The following GNPTAB variants were observed in gnomAD, a reference collection of about 807,000 sequenced individuals.
GNPTAB encodes N-acetylglucosamine-1-phosphotransferase subunits alpha/beta.
GNPTAB carries 92 observed loss-of-function variants against 136.6 expected under a neutral mutation model. That is an observed-to-expected ratio of 0.67 (90% CI 0.57 to 0.80). The LOEUF is 0.80. Among genes scored for constraint, GNPTAB ranks in the 30% least tolerant of loss-of-function variants. The pLI is 0.00. For missense variants in GNPTAB, 1,343 were observed against 1,501.8 expected (o/e 0.89, Z 1.75); for synonymous variants, 512 against 535.1 (o/e 0.96, Z 0.60).
At chr12:101,761,396 G>A (rs746498341) in intron 14 of GNPTAB, 50 bp from the exon 15 acceptor site, 33 of 1,546,360 alleles carry the variant, frequency 2.1e-5, no homozygotes, top group Middle Eastern at 1.7e-4. Context: ...AGTATGTACC[G>A]TATCTAACAT....
At chr12:101,789,226 A>G (rs1868841174) in intron 3 of GNPTAB, among the ~76,000 whole-genome samples, 1 of 152,192 alleles carries the variant, frequency 6.6e-6, no homozygotes, top group Non-Finnish European at 1.5e-5. Flanking sequence ...CTCTGTCTTT[A>G]GGTCCCTTGA....
At chr12:101,819,811 A>G (rs1027844695) in intron 1 of GNPTAB, among the ~76,000 whole-genome samples, 1 of 152,234 alleles carries the variant, frequency 6.6e-6, no homozygotes, top group Non-Finnish European at 1.5e-5. Context: ...GAATATATAT[A>G]ATCTATTATA....
chr12:101,780,333 G>A (rs1953323229), intron 6 of GNPTAB, 47 bp from the exon 7 acceptor site: 4 of 1,599,234 alleles, frequency 2.5e-6, no homozygotes, highest in Non-Finnish European at 3.4e-6. Flanking sequence ...TCATGAGGCT[G>A]GTGAAAACCT....
At chr12:101,775,081 G>A (rs971588738) in intron 7 of GNPTAB, among the ~76,000 whole-genome samples, 4 of 152,140 alleles carry the variant, frequency 2.6e-5, no homozygotes, top group African/African-American at 9.7e-5. Flanking sequence ...CAAGGATAGC[G>A]GCAACAGGTC....
rs1451696033 is a variant in GNPTAB, at chr12:101,753,539, C to G, written c.3435G>C (p.Arg1145Ser). 1 of 1,613,058 alleles carries G rather than the reference C, an allele frequency of 6.2e-7. No individual in the cohort carries two copies. The highest frequency in any genetic ancestry group is 2.2e-5 in the East Asian group (1 of 44,852). The change falls in exon 19 of 21, where the codon AGG (arginine) becomes AGC (serine). Residue 1145 changes from arginine to serine, a missense_variant and splice_region_variant. By Grantham distance (110) the Arg-to-Ser change is moderately radical. Coordinates refer to ENST00000299314, the MANE Select transcript of GNPTAB (RefSeq NM_024312.5). ...TGTTGTCATTCAGGCAAACAAACTT[C>G]CTGAAATAACAGAGAGCCAGGGTTA... ...GQLDDIRKNPRKFVCLNDNID... is the reference protein window; with the variant it reads ...GQLDDIRKNPSKFVCLNDNID...
At chr12:101,760,182 G>C (rs377531309) in intron 15 of GNPTAB, 39 bp from the exon 16 acceptor site, 1 of 1,196,072 alleles carries the variant, frequency 8.4e-7, no homozygotes, top group Non-Finnish European at 1.3e-6. Flanking sequence ...TATGCGCATT[G>C]TAAGTAATGA....
intron 19 of GNPTAB, among the ~76,000 whole-genome samples, chr12:101,752,064 G>A (rs897352780): frequency 6.7e-6 from 1 of 149,898 alleles, no homozygotes; most frequent in African/African-American, 2.4e-5. Context: ...ACTTAAACAC[G>A]CAATATTGCT....
At chr12:101,779,646 T>C (rs1435720045) in intron 7 of GNPTAB, 5 of 169,684 alleles carry the variant, frequency 2.9e-5, no homozygotes, top group African/African-American at 4.8e-5. Context: ...AGTGAAAGCT[T>C]TGGGTAAACA....
intron 1 of GNPTAB, among the ~76,000 whole-genome samples, chr12:101,823,036 A>G (rs1870898337): frequency 6.6e-6 from 1 of 152,224 alleles, no homozygotes; most frequent in South Asian, 2.1e-4. Flanking sequence ...TCTCCTTTCA[A>G]GAGATTTGCT....
At chr12:101,800,207 A>G (rs762675731) in intron 1 of GNPTAB, among the ~76,000 whole-genome samples, 6 of 151,886 alleles carry the variant, frequency 4.0e-5, no homozygotes, top group Non-Finnish European at 5.9e-5. Flanking sequence ...ATCTTTGGCC[A>G]GGTGTGGTGG....
At chr12:101,750,973 C>A (rs1003438746) in intron 19 of GNPTAB, among the ~76,000 whole-genome samples, 1 of 152,110 alleles carries the variant, frequency 6.6e-6, no homozygotes, top group Non-Finnish European at 1.5e-5. Context: ...GTCTCCCTGC[C>A]TCCAGTTCCC....
intron 1 of GNPTAB, among the ~76,000 whole-genome samples, chr12:101,827,647 C>T (rs55700669): frequency 9.2e-5 from 14 of 152,122 alleles, no homozygotes; most frequent in Non-Finnish European, 1.9e-4. Flanking sequence ...GAGGAGGAGA[C>T]GATAACAAAT....
chr12:101,789,703 T>G lies in GNPTAB; in HGVS notation c.323+235A>C, dbSNP rs139227686. On this transcript the variant is annotated intron_variant, in intron 3 of 20. Coordinates refer to ENST00000299314, the MANE Select transcript of GNPTAB (RefSeq NM_024312.5). ...CTCACTATGTTGCCCAGGCTGGTCT[T>G]GAACTCCTGGCCTCAAGTGATCCTC... Among the ~76,000 whole-genome samples, 5 of 152,252 alleles carry G rather than the reference T, an allele frequency of 3.3e-5. No homozygotes were observed. The East Asian group carries it at 9.7e-4, about 29-fold the overall frequency.
chr12:101,798,830 G>A (rs770449790), intron 1 of GNPTAB, among the ~76,000 whole-genome samples: 1 of 152,116 alleles, frequency 6.6e-6, no homozygotes, highest in Non-Finnish European at 1.5e-5. Flanking sequence ...TGTTTCTTAC[G>A]TATTTTTCAT....
intron 19 of GNPTAB, among the ~76,000 whole-genome samples, chr12:101,749,832 G>A (rs74838476): frequency 0.016 from 2,385 of 152,334 alleles, 64 homozygotes; most frequent in African/African-American, 0.054. Context: ...GGCAGCATGG[G>A]GGGAACTAAG....
At chr12:101,811,383 C>CTTTTTTTTTTTT (rs11356611) in intron 1 of GNPTAB, among the ~76,000 whole-genome samples, 1 of 142,576 alleles carries the variant, frequency 7.0e-6, no homozygotes. Flanking sequence ...ATAATTTTTT[C>CTTTTTTTTTTTT]TTTTTTTTTT....
At chr12:101,794,097 C>T (rs1641528102) in intron 2 of GNPTAB, among the ~76,000 whole-genome samples, 1 of 152,148 alleles carries the variant, frequency 6.6e-6, no homozygotes. Flanking sequence ...CCCACCTTGG[C>T]CTCCCAAAAT....
intron 1 of GNPTAB, among the ~76,000 whole-genome samples, chr12:101,822,184 C>A (rs572145618): frequency 6.6e-6 from 1 of 152,106 alleles, no homozygotes; most frequent in Non-Finnish European, 1.5e-5. Flanking sequence ...GAGGCCGAGG[C>A]GGGCGGATCA....
chr12:101,802,125 G>C (rs1176021224), intron 1 of GNPTAB, among the ~76,000 whole-genome samples: 2 of 145,996 alleles, frequency 1.4e-5, no homozygotes, highest in Non-Finnish European at 3.0e-5. Flanking sequence ...TTTAGCCCAA[G>C]AGTTGGAGGC....
Sources: gnomAD v4.1 joint callset for allele counts (sites outside exome capture counted in the v4.1 genomes callset) on GRCh38, gnomAD v4.1.1 for gene constraint, MANE v1.5 for transcripts, NCBI Gene and HGNC (gene_info 2026-07-23, HGNC 2026-07-21) for gene names.